The following EBF3 variants were observed in gnomAD, a reference collection of about 807,000 sequenced individuals.
The protein encoded by EBF3 is EBF transcription factor 3.
EBF3 carries 18 observed loss-of-function variants against 77.1 expected under a neutral mutation model. The observed-to-expected ratio is 0.23, with a 90% CI of 0.16 to 0.35. EBF3 has a LOEUF of 0.35. Ranked by LOEUF, EBF3 falls within the 10% of genes least tolerant of loss-of-function variation. EBF3 has a pLI of 1.00. For missense variants in EBF3, 558 were observed against 860.0 expected (o/e 0.65, Z 4.39); for synonymous variants, 350 against 343.5 (o/e 1.02, Z -0.21).
At chr10:129,873,769 GTTGTTTTGT>G (rs975825036) in intron 7 of EBF3, among the ~76,000 whole-genome samples, 173 bp from the exon 8 acceptor site, 2 of 152,232 alleles carry the variant, frequency 1.3e-5, no homozygotes, top group Non-Finnish European at 2.9e-5. Context: ...GGGTGGGTGG[GTTGTTTTGT>G]TTGTTTTGTT....
At chr10:129,886,572 C>T (rs180737004) in intron 6 of EBF3, among the ~76,000 whole-genome samples, 9 of 152,296 alleles carry the variant, frequency 5.9e-5, no homozygotes, top group African/African-American at 1.7e-4. Flanking sequence ...AAACCCTGCT[C>T]GGCTCCCCAC....
chr10:129,907,565 C>T (rs909791237), intron 6 of EBF3, among the ~76,000 whole-genome samples: 3 of 152,288 alleles, frequency 2.0e-5, no homozygotes, highest in East Asian at 3.9e-4. Context: ...AATGGATAGT[C>T]ACCCCAACCC....
rs866222066 is a variant in EBF3, at chr10:129,944,400, G to T, written c.554+12858C>A. Among the ~76,000 whole-genome samples, 1 of 152,156 alleles carries T rather than the reference G, an allele frequency of 6.6e-6. No homozygotes were observed. Among genetic ancestry groups the T allele is most frequent in the African/African-American group, 2.4e-5 (1 of 41,426 alleles). On this transcript the variant is annotated intron_variant, in intron 6 of 16. Transcript: ENST00000440978. The surrounding 1 kb of genome is among the most constrained non-coding windows in gnomAD (Gnocchi z 5.1). ...TTGATGTTAAATAGGGATCAATACC[G>T]CTGGGCTGCAGATGAGATCTGATTT...
At chr10:129,881,218 A>C (rs1389078358) in intron 6 of EBF3, among the ~76,000 whole-genome samples, 1 of 152,188 alleles carries the variant, frequency 6.6e-6, no homozygotes, top group Non-Finnish European at 1.5e-5. Context: ...TTGCTGCTCC[A>C]TCACGAAGAG....
At chr10:129,858,524 T>A (rs928477631) in intron 10 of EBF3, among the ~76,000 whole-genome samples, 1 of 152,118 alleles carries the variant, frequency 6.6e-6, no homozygotes, top group Admixed American at 6.5e-5. Flanking sequence ...ACCAAGTGGG[T>A]CTTCCGAACT....
rs893722558 is a variant in EBF3 at position 129,897,974 on chromosome 10, G to C, written c.555-20125C>G. On this transcript the variant is annotated intron_variant, in intron 6 of 16. Transcript: ENST00000440978. The surrounding 1 kb of genome is among the most constrained non-coding windows in gnomAD (Gnocchi z 4.6). ...AAAGCTGGGGCTGCTCAACAGAAGAGAGCCCGAGCTGACCCGTTGCTGTAT... is the reference window on the plus strand; with the variant it reads ...AAAGCTGGGGCTGCTCAACAGAAGACAGCCCGAGCTGACCCGTTGCTGTAT... Among the ~76,000 whole-genome samples the C allele has an allele frequency of 1.3e-5, 2 of 152,196 alleles. No individual in the cohort carries two copies. The highest frequency in any genetic ancestry group is 4.8e-5 in the African/African-American group (2 of 41,456).
At chr10:129,874,378 G>C (rs1392262456) in intron 7 of EBF3, among the ~76,000 whole-genome samples, 1 of 152,142 alleles carries the variant, frequency 6.6e-6, no homozygotes, top group Non-Finnish European at 1.5e-5. Flanking sequence ...GTGGTAGAGG[G>C]AGAAACGAAA....
intron 6 of EBF3, among the ~76,000 whole-genome samples, chr10:129,882,871 C>T (rs188593047): frequency 7.2e-5 from 11 of 152,360 alleles, no homozygotes; most frequent in African/African-American, 1.2e-4. Flanking sequence ...CCATCCTCAC[C>T]GCCTTCCCTG....
intron 4 of EBF3, among the ~76,000 whole-genome samples, chr10:129,959,424 T>C (rs1340152124): frequency 6.6e-6 from 1 of 152,078 alleles, no homozygotes; most frequent in Non-Finnish European, 1.5e-5. Flanking sequence ...CAGGCCATTG[T>C]CTACAACGAG....
Position 129,952,725 on chromosome 10 carries a change from T to TA in EBF3, c.554+4532dup, listed in dbSNP as rs1243766043. ...AACCTGACAAGAAGATGTAAAGGGCTAGGGAATAACCCGGTGCTGTTTGTA... is the reference window on the plus strand; with the variant it reads ...AACCTGACAAGAAGATGTAAAGGGCTAAGGGAATAACCCGGTGCTGTTTGTA... On this transcript the variant is annotated intron_variant, in intron 6 of 16. Transcript: ENST00000440978. This position sits in a 1 kb window ranked among gnomAD's most constrained non-coding sequence, Gnocchi z 4.7. 6.6e-6 allele frequency among the ~76,000 whole-genome samples: 1 copy of TA among 152,202 alleles called. No homozygotes were observed. Among genetic ancestry groups the TA allele is most frequent in the Non-Finnish European group, 1.5e-5 (1 of 68,046 alleles).
chr10:129,962,758 C>G (rs1363992315), intron 3 of EBF3, among the ~76,000 whole-genome samples, 184 bp downstream of exon 3: 1 of 152,212 alleles, frequency 6.6e-6, no homozygotes, highest in Non-Finnish European at 1.5e-5. Context: ...TCAAGCCCCA[C>G]CGGTTAATCA....
rs1427728657 is a variant in EBF3 at position 129,870,988 on chromosome 10, T to G, written c.781+2464A>C. Among the ~76,000 whole-genome samples, 1 of 152,190 alleles carries G rather than the reference T, an allele frequency of 6.6e-6. No individual in the cohort carries two copies. The highest frequency in any genetic ancestry group is 6.5e-5 in the Admixed American group (1 of 15,282). ...TCTTTGTTCTGCCTGCTAAAATGTC[T>G]TGTAATTGTGCTTGGGATGTCCAGA... On this transcript the variant is annotated intron_variant, in intron 8 of 16. Coordinates refer to ENST00000440978, the MANE Select transcript of EBF3 (RefSeq NM_001375380.1). The surrounding 1 kb of genome is among the most constrained non-coding windows in gnomAD (Gnocchi z 4.4).
At chr10:129,916,437 T>C (rs1855890792) in intron 6 of EBF3, among the ~76,000 whole-genome samples, 1 of 152,218 alleles carries the variant, frequency 6.6e-6, no homozygotes, top group South Asian at 2.1e-4. Flanking sequence ...CCCTGGCATG[T>C]GGACTGGATT....
At chr10:129,941,236 C>A (rs1056206928) in intron 6 of EBF3, among the ~76,000 whole-genome samples, 3 of 152,206 alleles carry the variant, frequency 2.0e-5, no homozygotes, top group Non-Finnish European at 4.4e-5. Context: ...ATGGGCTTAG[C>A]GAGACTTAGC....
chr10:129,897,119 G>A lies in EBF3; in HGVS notation c.555-19270C>T, dbSNP rs1235319300. Among the ~76,000 whole-genome samples, 1 of 152,236 alleles carries A rather than the reference G, an allele frequency of 6.6e-6. No individual in the cohort carries two copies. The highest frequency in any genetic ancestry group is 1.5e-5 in the Non-Finnish European group (1 of 68,040). On this transcript the variant is annotated intron_variant, in intron 6 of 16. Coordinates refer to ENST00000440978, the MANE Select transcript of EBF3 (RefSeq NM_001375380.1). The surrounding 1 kb of genome is among the most constrained non-coding windows in gnomAD (Gnocchi z 4.6). ...GACGGGCAGTTGGAGCTGGGAGACAGGAAGACAAAGCCGGTCTCCTTTCGG... is the reference window on the plus strand; with the variant it reads ...GACGGGCAGTTGGAGCTGGGAGACAAGAAGACAAAGCCGGTCTCCTTTCGG...
At chr10:129,932,382 G>A (rs966464569) in intron 6 of EBF3, among the ~76,000 whole-genome samples, 1 of 152,222 alleles carries the variant, frequency 6.6e-6, no homozygotes, top group Non-Finnish European at 1.5e-5. Flanking sequence ...TTGGCATGTG[G>A]CAAAGGGTGC....
intron 4 of EBF3, among the ~76,000 whole-genome samples, chr10:129,959,772 C>T (rs1462578721): frequency 6.6e-6 from 1 of 151,822 alleles, no homozygotes; most frequent in East Asian, 1.9e-4. Context: ...CGCACGTGGG[C>T]CGCGGCGTCG....
chr10:129,860,202 A>G (rs981067930), intron 10 of EBF3, among the ~76,000 whole-genome samples: 2 of 151,968 alleles, frequency 1.3e-5, no homozygotes, highest in African/African-American at 2.4e-5. Context: ...GTCCTACTCA[A>G]TCAGAAACTC....
At chr10:129,902,426 T>A (rs1332519872) in intron 6 of EBF3, among the ~76,000 whole-genome samples, 2 of 151,796 alleles carry the variant, frequency 1.3e-5, no homozygotes, top group African/African-American at 2.4e-5. Context: ...CCATTTCCAA[T>A]CCATGGCCAC....
Sources: allele counts gnomAD v4.1 joint callset (sites outside exome capture counted in the v4.1 genomes callset), GRCh38; gene constraint gnomAD v4.1.1; non-coding constraint Gnocchi (gnomAD v3.1); transcripts MANE v1.5; gene names NCBI Gene and HGNC (gene_info 2026-07-23, HGNC 2026-07-21).